ZNF248: variants seen among roughly 807,000 people sequenced by gnomAD.
The protein encoded by ZNF248 is KRAB protein domain.
Under a neutral mutation model 44.3 loss-of-function variants are expected in ZNF248, and 20 were observed. That is an observed-to-expected ratio of 0.45 (90% CI 0.32 to 0.66). The LOEUF (loss-of-function observed/expected upper bound fraction) is 0.66, where lower values mean the gene tolerates loss of function less well. ZNF248 is among the 30% of genes least tolerant of loss of function. ZNF248 has a pLI of 0.04. For synonymous variants in ZNF248, 224 were observed against 229.0 expected (o/e 0.98, Z 0.20); for missense variants, 654 against 677.0 (o/e 0.97, Z 0.38).
In ZNF248 at chr10:37,830,932, G is replaced by T. The variant is rs1019662124; in HGVS notation, c.*683C>A. 15 of 309,308 alleles carry T rather than the reference G, an allele frequency of 4.8e-5. No individual in the cohort carries two copies. Among genetic ancestry groups the T allele is most frequent in the Non-Finnish European group, 6.4e-5 (13 of 203,700 alleles). 19.2% of individuals were successfully genotyped at this position (309,308 alleles called of 1,614,324 possible). On this transcript the variant is annotated 3_prime_UTR_variant, in exon 6 of 6. Transcript: ENST00000395867. ...TAAATAATGACTGCTTTTAATAACT[G>T]GCTCACAAAATTCCTTAAAATTTAA...
intron 5 of ZNF248, among the ~76,000 whole-genome samples, chr10:37,837,400 A>G (rs958477867): frequency 1.3e-5 from 2 of 152,202 alleles, no homozygotes; most frequent in Non-Finnish European, 2.9e-5. Flanking sequence ...GGCGTGAGCC[A>G]CCGCACCCAG....
In ZNF248 at chr10:37,807,285, C is replaced by G. The variant is rs61856971; in HGVS notation, c.330+25740G>C. 2.8e-4 allele frequency among the ~76,000 whole-genome samples: 32 copies of G among 115,578 alleles called. No individual in the cohort carries two copies. In the Admixed American group the frequency reaches 3.2e-3, roughly 12 times the overall value. The allele number at this position is 115,578 out of a possible 152,430, so 75.8% of individuals were successfully genotyped here. A position where few individuals can be genotyped will look rare whatever the true frequency, so the allele number is the denominator to read the frequency against. On this transcript the variant is annotated intron_variant, in intron 6 of 6. Coordinates refer to the ZNF248 transcript ENST00000615949. ...CTATACATCTGTCTTTATAGCAGCA[C>G]CACACTATTACACTATTATGATTTA...
rs1245160217 is a variant in ZNF248, at chr10:37,832,663, G to T, written c.692C>A (p.Thr231Lys). 1.2e-6 allele frequency: 2 copies of T among 1,613,114 alleles called. No individual in the cohort carries two copies. The highest frequency in any genetic ancestry group is 1.7e-6 in the Non-Finnish European group (2 of 1,179,862). ...CTCTCCTATCTGAGATCTCTTATTT[G>T]TAAAAAATGCTGCCTCATCATGGAA... is the stretch of plus-strand genomic sequence containing the variant. Reference protein sequence around the residue: ...QGFHDEAAFFTNKRSQIGETV... With the variant: ...QGFHDEAAFFKNKRSQIGETV... The change falls in exon 6 of 6, where the codon ACA becomes AAA. Residue 231 changes from threonine (T) to lysine (K), a missense_variant. Physicochemically the swap from Thr to Lys is moderately conservative, Grantham distance 78 (BLOSUM62 -1). Coordinates refer to ENST00000395867, the MANE Select transcript of ZNF248 (RefSeq NM_021045.3).
downstream of ZNF248, among the ~76,000 whole-genome samples, chr10:37,825,975 TA>T (rs1415960759): frequency 6.6e-6 from 1 of 151,746 alleles, no homozygotes; most frequent in Non-Finnish European, 1.5e-5. Context: ...TGTTCCTCCA[TA>T]ATGTTCATTT....
At chr10:37,850,055 A>T (rs1203183535) in intron 3 of ZNF248, among the ~76,000 whole-genome samples, 4 of 152,128 alleles carry the variant, frequency 2.6e-5, no homozygotes, top group Non-Finnish European at 5.9e-5. Context: ...TGGGTGACAG[A>T]GTAAGAGACT....
chr10:37,851,120 A>G (rs901062736), intron 3 of ZNF248, among the ~76,000 whole-genome samples: 3 of 152,236 alleles, frequency 2.0e-5, no homozygotes, highest in Non-Finnish European at 4.4e-5. Context: ...ATTCTAAAAT[A>G]GTAATGTGGG....
chr10:37,831,481 AT>A lies in ZNF248; in HGVS notation c.*133del. 6.9e-7 allele frequency: 1 copy of A among 1,457,988 alleles called. No homozygotes were observed. The highest frequency in any genetic ancestry group is 9.0e-7 in the Non-Finnish European group (1 of 1,106,930). The allele number at this position is 1,457,988 out of a possible 1,614,324, so 90.3% of individuals were successfully genotyped here. Reference sequence around the variant, plus strand: ...ACAAATTTTCTAATGAAAAGTTTTAATTTTTCTTGAAAGCTTTTACATATTC... The same window carrying A: ...ACAAATTTTCTAATGAAAAGTTTTAATTTTCTTGAAAGCTTTTACATATTC... On this transcript the variant is annotated 3_prime_UTR_variant, in exon 6 of 6. Transcript: ENST00000395867.
intron 6 of ZNF248, among the ~76,000 whole-genome samples, chr10:37,792,487 G>C (rs1263271756): frequency 6.6e-6 from 1 of 152,162 alleles, no homozygotes; most frequent in East Asian, 1.9e-4. Flanking sequence ...CATGCCTAGA[G>C]TATGAGCTGG....
intron 6 of ZNF248, among the ~76,000 whole-genome samples, chr10:37,809,327 G>A (rs1157232965): frequency 1.3e-5 from 2 of 151,974 alleles, no homozygotes; most frequent in Non-Finnish European, 2.9e-5. Context: ...ACTGAGACTG[G>A]AGTGCAGTGG....
At position 37,830,175 on chromosome 10, in the gene ZNF248, A is replaced by T. The variant is rs571618965; in HGVS notation, c.*1440T>A. ...CATTACATACCGCCACTTTTTGAGG[A>T]GTGCAGTGTTACTGCTTGTTAACCT... On this transcript the variant is annotated 3_prime_UTR_variant, in exon 6 of 6. Transcript: ENST00000395867. The T allele has an allele frequency of 4.1e-6, 4 of 985,438 alleles. No homozygotes were observed. The African/African-American group carries it at 7.0e-5, about 17-fold the overall frequency. 61.0% of individuals were successfully genotyped at this position (985,438 alleles called of 1,614,324 possible).
the ZNF248 span, among the ~76,000 whole-genome samples, chr10:37,766,082 G>T: frequency 6.6e-6 from 1 of 152,262 alleles, no homozygotes; most frequent in African/African-American, 2.4e-5. Flanking sequence ...AATTGCCCAG[G>T]CTTGATTAGG....
At chr10:37,841,592 A>G (rs2058358723) in intron 3 of ZNF248, among the ~76,000 whole-genome samples, 1 of 152,238 alleles carries the variant, frequency 6.6e-6, no homozygotes, top group Admixed American at 6.5e-5. Context: ...AATAATTTAT[A>G]TGGATACTCT....
the ZNF248 span, among the ~76,000 whole-genome samples, chr10:37,766,141 C>T: frequency 3.9e-5 from 6 of 152,362 alleles, no homozygotes; most frequent in Non-Finnish European, 1.5e-5. Context: ...CACCACAGCT[C>T]AAGGAGGCCT....
chr10:37,767,053 G>A, the ZNF248 span, among the ~76,000 whole-genome samples: 3 of 152,080 alleles, frequency 2.0e-5, no homozygotes, highest in Non-Finnish European at 4.4e-5. Flanking sequence ...ATGAAATGAA[G>A]CAAGAAGGGA....
At chr10:37,855,468 A>G (rs1156859653) in intron 3 of ZNF248, among the ~76,000 whole-genome samples, 2 of 152,254 alleles carry the variant, frequency 1.3e-5, no homozygotes, top group East Asian at 3.8e-4. Context: ...CAGTCAGGAA[A>G]AACAGACCGA....
chr10:37,824,527 C>T (rs1364007024), downstream of ZNF248, among the ~76,000 whole-genome samples: 6 of 151,790 alleles, frequency 4.0e-5, no homozygotes, highest in African/African-American at 4.8e-5. Context: ...TCACATGGTA[C>T]GTGTAAATGT....
At chr10:37,765,259 G>A in the ZNF248 span, among the ~76,000 whole-genome samples, 206 of 152,256 alleles carry the variant, frequency 1.4e-3, no homozygotes, top group Non-Finnish European at 2.4e-3. Flanking sequence ...GCCTGGGCAA[G>A]TTTGAGCTCT....
downstream of ZNF248, among the ~76,000 whole-genome samples, chr10:37,773,633 G>C (rs887418359): frequency 6.6e-6 from 1 of 152,056 alleles, no homozygotes; most frequent in Admixed American, 6.6e-5. Flanking sequence ...TTTCTTCTGA[G>C]GCCCCTCTCC....
At chr10:37,856,202 CT>C (rs2061253897) in intron 3 of ZNF248, 93 bp downstream of exon 3, 2 of 1,417,176 alleles carry the variant, frequency 1.4e-6, no homozygotes, top group African/African-American at 2.9e-5. Flanking sequence ...CAATTTTTGC[CT>C]ATTTCTATTT....
Sources: gnomAD v4.1 joint callset for allele counts (sites outside exome capture counted in the v4.1 genomes callset) on GRCh38, gnomAD v4.1.1 for gene constraint, MANE v1.5 for transcripts, NCBI Gene and HGNC (gene_info 2026-07-23, HGNC 2026-07-21) for gene names.